Variants in MEP1A observed in about 807,000 individuals in gnomAD.
MEP1A encodes N-benzoyl-L-tyrosyl-P-amino-benzoic acid hydrolase subunit alpha.
Under a neutral mutation model 84.5 loss-of-function variants are expected in MEP1A, and 68 were observed. The ratio of observed to expected loss-of-function variants is 0.80; its 90% CI spans 0.66 to 0.98. The LOEUF is 0.98. Ranked by LOEUF, MEP1A falls within the 50% of genes least tolerant of loss-of-function variation. The probability of loss-of-function intolerance (pLI) is 0.00; values close to 1 mark genes in which losing one functional copy is unlikely to be tolerated. For missense variants in MEP1A, 887 were observed against 919.9 expected (o/e 0.96, Z 0.46); for synonymous variants, 337 against 336.8 (o/e 1.00, Z -0.01).
Position 46,834,624 on chromosome 6 carries a change from C to T in MEP1A, c.1656C>T (p.Thr552=). Residue 552 remains threonine (T), a synonymous_variant, in exon 12 of 14, where the codon ACC becomes ACT. Coordinates refer to ENST00000230588, the MANE Select transcript of MEP1A (RefSeq NM_005588.3). Reference sequence around the variant, plus strand: ...GGGACAGGCCGTCCAGGGTGGGAACCTATCATACGGACTGTAATTGTTTTA... The same window carrying T: ...GGGACAGGCCGTCCAGGGTGGGAACTTATCATACGGACTGTAATTGTTTTA... ...VIWDRPSRVG[T]YHTDCNCFRS... The T allele has an allele frequency of 6.2e-7, 1 of 1,611,246 alleles. No homozygotes were observed.
intron 3 of MEP1A, 152 bp downstream of exon 3, chr6:46,793,868 T>C (rs1267620064): frequency 3.2e-6 from 2 of 619,586 alleles, no homozygotes; most frequent in East Asian, 5.9e-5. Context: ...TTCTGAAAGA[T>C]AAAAATGCGG....
chr6:46,801,239 A>AATACAC (rs1767191912), intron 5 of MEP1A, among the ~76,000 whole-genome samples: 2 of 152,144 alleles, frequency 1.3e-5, no homozygotes, highest in African/African-American at 2.4e-5. Context: ...CTCCTCCTGA[A>AATACAC]AATATATGAG....
intron 6 of MEP1A, among the ~76,000 whole-genome samples, chr6:46,813,857 T>A (rs1474372812): frequency 6.6e-6 from 1 of 152,222 alleles, no homozygotes; most frequent in Non-Finnish European, 1.5e-5. Flanking sequence ...TTGTTTTGTT[T>A]AAGGAGGTTA....
intron 6 of MEP1A, among the ~76,000 whole-genome samples, chr6:46,811,330 A>G (rs774958991): frequency 4.6e-5 from 7 of 151,870 alleles, no homozygotes; most frequent in Admixed American, 2.6e-4. Flanking sequence ...TGTATCCTGA[A>G]ATTTTGTTGA....
At chr6:46,807,581 G>A (rs368694686) in intron 5 of MEP1A, among the ~76,000 whole-genome samples, 2,032 of 42,874 alleles carry the variant, frequency 0.047, 41 homozygotes, top group African/African-American at 0.073. Context: ...AGGAAGGAAG[G>A]AAGGAAGGAA....
intron 9 of MEP1A, among the ~76,000 whole-genome samples, chr6:46,828,549 G>A (rs1767999462): frequency 1.3e-5 from 2 of 152,160 alleles, no homozygotes; most frequent in Admixed American, 6.5e-5. Context: ...GAAGCATTTT[G>A]ATATGGAGTT....
chr6:46,823,248 C>T (rs538619518), intron 7 of MEP1A, among the ~76,000 whole-genome samples: 1 of 152,224 alleles, frequency 6.6e-6, no homozygotes, highest in African/African-American at 2.4e-5. Context: ...CCTGGCCACA[C>T]CACACTTCTG....
chr6:46,842,010 C>T (rs146149037), downstream of MEP1A, among the ~76,000 whole-genome samples: 1,085 of 152,146 alleles, frequency 7.1e-3, 13 homozygotes, highest in African/African-American at 0.023. Flanking sequence ...TTTCTTATGC[C>T]CGTCTTTACT....
At chr6:46,835,827 A>G (rs1768205911) in intron 13 of MEP1A, among the ~76,000 whole-genome samples, 1 of 151,884 alleles carries the variant, frequency 6.6e-6, no homozygotes, top group African/African-American at 2.4e-5. Flanking sequence ...GGAATTTCTA[A>G]CTCTAACAAC....
chr6:46,808,719 A>G (rs764981220), intron 5 of MEP1A, among the ~76,000 whole-genome samples: 1 of 151,846 alleles, frequency 6.6e-6, no homozygotes, highest in Non-Finnish European at 1.5e-5. Context: ...GTCAGTATCT[A>G]TTTTTCCTGC....
chr6:46,797,314 G>A (rs991201002), intron 3 of MEP1A, among the ~76,000 whole-genome samples: 6 of 152,194 alleles, frequency 3.9e-5, no homozygotes, highest in African/African-American at 1.4e-4. Context: ...TACAGAAAAT[G>A]TTTCATGTCA....
chr6:46,826,239 A>G (rs1438466488), intron 8 of MEP1A, 115 bp from the exon 9 acceptor site: 1 of 933,922 alleles, frequency 1.1e-6, no homozygotes, highest in Non-Finnish European at 1.5e-6. Flanking sequence ...AAGTCAAGAT[A>G]ACAAGCTTGT....
intron 5 of MEP1A, among the ~76,000 whole-genome samples, chr6:46,803,176 A>G (rs926476925): frequency 6.6e-6 from 1 of 151,652 alleles, no homozygotes; most frequent in Non-Finnish European, 1.5e-5. Context: ...AAAATAAAAT[A>G]ACCAAGTAAT....
At chr6:46,843,207 G>A (rs1768363419), downstream of MEP1A, among the ~76,000 whole-genome samples, 1 of 152,140 alleles carries the variant, frequency 6.6e-6, no homozygotes, top group African/African-American at 2.4e-5. Context: ...CTACTTACTG[G>A]ATGCTCATAG....
intron 6 of MEP1A, among the ~76,000 whole-genome samples, chr6:46,814,015 A>G (rs2150747105): frequency 6.6e-6 from 1 of 152,266 alleles, no homozygotes; most frequent in African/African-American, 2.4e-5. Flanking sequence ...AGATAACCTG[A>G]TGACTGTGTG....
intron 5 of MEP1A, 22 bp from the exon 6 acceptor site, chr6:46,809,398 A>C: frequency 6.9e-7 from 1 of 1,452,052 alleles, no homozygotes. Flanking sequence ...ATGCTCATTG[A>C]TATTTTTACT....
intron 12 of MEP1A, 82 bp downstream of exon 12, chr6:46,834,833 C>T (rs9472886): frequency 0.052 from 57,222 of 1,099,146 alleles, 2,943 homozygotes; most frequent in African/African-American, 0.23. Flanking sequence ...AAAGCACACA[C>T]GGAGGGTGGG....
downstream of MEP1A, among the ~76,000 whole-genome samples, chr6:46,841,106 G>A (rs1164985961): frequency 6.6e-6 from 1 of 152,188 alleles, no homozygotes; most frequent in Non-Finnish European, 1.5e-5. Flanking sequence ...TTAAATACAT[G>A]AGTTTCTCTC....
At chr6:46,797,949 TCCTTCCTTCC>T (rs1767102646) in intron 3 of MEP1A, among the ~76,000 whole-genome samples, 1 of 128,628 alleles carries the variant, frequency 7.8e-6, no homozygotes, top group Non-Finnish European at 1.7e-5. Context: ...CTTCCTTCCT[TCCTTCCTTCC>T]TTTTTTCTTC....
Sources: allele counts gnomAD v4.1 joint callset (sites outside exome capture counted in the v4.1 genomes callset), GRCh38; gene constraint gnomAD v4.1.1; transcripts MANE v1.5; gene names NCBI Gene and HGNC (gene_info 2026-07-23, HGNC 2026-07-21).